NEURL1: variants seen among roughly 807,000 people sequenced by gnomAD.
NEURL1 encodes the protein neuralized E3 ubiquitin protein ligase 1, also known as E3 ubiquitin-protein ligase NEURL1.
Under a neutral mutation model 41.2 loss-of-function variants are expected in NEURL1, and 26 were observed. That is an observed-to-expected ratio of 0.63 (90% CI 0.46 to 0.87). The LOEUF (loss-of-function observed/expected upper bound fraction) is 0.87, where lower values mean the gene tolerates loss of function less well. Among genes scored for constraint, NEURL1 ranks in the 40% least tolerant of loss-of-function variants. The probability of loss-of-function intolerance (pLI) is 0.00; values close to 1 mark genes in which losing one functional copy is unlikely to be tolerated. For missense variants in NEURL1, 761 were observed against 871.1 expected, an observed-to-expected ratio of 0.87 and a Z score of 1.59; for synonymous variants, 400 against 402.3, an observed-to-expected ratio of 0.99 and a Z score of 0.07.
At chr10:103,528,486 G>T (rs1258586319) in intron 1 of NEURL1, among the ~76,000 whole-genome samples, 5 of 151,514 alleles carry the variant, frequency 3.3e-5, no homozygotes, top group African/African-American at 1.2e-4. Flanking sequence ...AGTGAGCTGA[G>T]GTAGTGCCAC....
intron 1 of NEURL1, chr10:103,555,477 G>A: frequency 7.8e-7 from 1 of 1,288,944 alleles, no homozygotes; most frequent in Non-Finnish European, 1.0e-6. Flanking sequence ...GGGAGGCCGG[G>A]CGGAGGGGCG....
chr10:103,575,109 A>G (rs1000273530), intron 3 of NEURL1, among the ~76,000 whole-genome samples: 11 of 151,212 alleles, frequency 7.3e-5, no homozygotes, highest in Admixed American at 2.0e-4. Flanking sequence ...ACTCCCCTCT[A>G]CCCCAGGTAG....
At position 103,508,839 on chromosome 10, in the gene NEURL1, A is replaced by AG. The variant is rs2034004721; in HGVS notation, c.85+14368dup. 6.6e-6 allele frequency among the ~76,000 whole-genome samples: 1 copy of AG among 152,208 alleles called. No homozygotes were observed. Among genetic ancestry groups the AG allele is most frequent in the Middle Eastern group, 3.2e-3 (1 of 314 alleles). On this transcript the variant is annotated intron_variant, in intron 1 of 5. Coordinates refer to ENST00000369780, the MANE Select transcript of NEURL1 (RefSeq NM_004210.5). This position sits in a 1 kb window ranked among gnomAD's most constrained non-coding sequence, Gnocchi z 4.3. ...TGCCTCCTTCACAGCAAAATGTGAA[A>AG]GAAGCTGTTTTAGGGATCTTGGGTT...
At chr10:103,513,784 G>A (rs554672570) in intron 1 of NEURL1, among the ~76,000 whole-genome samples, 1 of 152,076 alleles carries the variant, frequency 6.6e-6, no homozygotes, top group Non-Finnish European at 1.5e-5. Flanking sequence ...GGGAGGACAG[G>A]GGTGCGGATG....
At chr10:103,538,942 CG>C (rs1237196840) in intron 1 of NEURL1, among the ~76,000 whole-genome samples, 1 of 130,004 alleles carries the variant, frequency 7.7e-6, no homozygotes. Flanking sequence ...CCACCGCACC[CG>C]TTTTTTTTTT....
chr10:103,506,093 G>C lies in NEURL1; in HGVS notation c.85+11621G>C, dbSNP rs1005549229. ...AGAATGCCATCCTGGCTGCTCCAGCGGTTGGGGTAAGGACGGAAAAGGGAG... is the reference window on the plus strand; with the variant it reads ...AGAATGCCATCCTGGCTGCTCCAGCCGTTGGGGTAAGGACGGAAAAGGGAG... On this transcript the variant is annotated intron_variant, in intron 1 of 5. Transcript: ENST00000369780. Among the ~76,000 whole-genome samples, 8 of 152,344 alleles carry C rather than the reference G, an allele frequency of 5.3e-5. No homozygotes were observed. The East Asian group carries it at 1.2e-3, about 22-fold the overall frequency.
intron 1 of NEURL1, among the ~76,000 whole-genome samples, chr10:103,509,154 C>A (rs970847194): frequency 6.6e-5 from 10 of 151,576 alleles, no homozygotes; most frequent in Non-Finnish European, 1.3e-4. Context: ...ATCACTTGAA[C>A]CCAGGAGGCA....
At chr10:103,536,074 A>C (rs184592503) in intron 1 of NEURL1, among the ~76,000 whole-genome samples, 1 of 152,218 alleles carries the variant, frequency 6.6e-6, no homozygotes, top group East Asian at 1.9e-4. Context: ...TAGGTGGCCA[A>C]GGTGTTGATG....
rs551732806 is a variant in NEURL1, at chr10:103,509,299, C to T, written c.85+14827C>T. ...TGTGTGTGGCTTAACAATGGGGACA[C>T]ATTCTGAGAATTGTGTTGTTAGGCG... is the stretch of plus-strand genomic sequence containing the variant. On this transcript the variant is annotated intron_variant, in intron 1 of 5. Coordinates refer to ENST00000369780, the MANE Select transcript of NEURL1 (RefSeq NM_004210.5). Among the ~76,000 whole-genome samples the T allele has an allele frequency of 2.0e-5, 3 of 151,558 alleles. No homozygotes were observed. The East Asian group carries it at 5.8e-4, about 29-fold the overall frequency.
At chr10:103,586,190 G>T (rs1311451450) in intron 4 of NEURL1, among the ~76,000 whole-genome samples, 1 of 152,172 alleles carries the variant, frequency 6.6e-6, no homozygotes, top group Admixed American at 6.5e-5. Context: ...CTTTGATTAA[G>T]GAGACGGTGA....
intron 1 of NEURL1, among the ~76,000 whole-genome samples, chr10:103,557,793 G>A (rs2035188828): frequency 6.6e-6 from 1 of 152,250 alleles, no homozygotes; most frequent in Non-Finnish European, 1.5e-5. Flanking sequence ...GGAGACGCAG[G>A]GGTTTGCTCC....
chr10:103,551,801 C>T (rs925586965), intron 1 of NEURL1, among the ~76,000 whole-genome samples: 7 of 152,176 alleles, frequency 4.6e-5, no homozygotes, highest in East Asian at 1.9e-4. Context: ...CAGGCTCATA[C>T]GTCTGTGGGA....
rs1038739002 is a variant in NEURL1, at chr10:103,547,465, A to G, written c.86-23407A>G. On this transcript the variant is annotated intron_variant, in intron 1 of 5. Coordinates refer to ENST00000369780, the MANE Select transcript of NEURL1 (RefSeq NM_004210.5). ...TAGCAGGCAGGGGCAGGGCCAGGGC[A>G]TGGGAGCAGAAGTGGAGGCCAAGTC... Among the ~76,000 whole-genome samples the G allele has an allele frequency of 5.9e-5, 9 of 152,208 alleles. No homozygotes were observed. The East Asian group carries it at 7.7e-4, about 13-fold the overall frequency.
At chr10:103,495,520 A>G (rs765668849) in intron 1 of NEURL1, among the ~76,000 whole-genome samples, 12 of 152,140 alleles carry the variant, frequency 7.9e-5, no homozygotes, top group African/African-American at 1.2e-4. Flanking sequence ...CACTATACCC[A>G]TTTTACAGAT....
chr10:103,585,839 A>C (rs537612967), intron 4 of NEURL1, among the ~76,000 whole-genome samples: 31 of 152,150 alleles, frequency 2.0e-4, no homozygotes, highest in African/African-American at 7.2e-4. Context: ...TCTCAAAAAA[A>C]AAAAAAAAAA....
In NEURL1 at chr10:103,494,009, T is replaced by C. The variant is rs2033617466; in HGVS notation, c.-379T>C. 1 of 177,502 alleles carries C rather than the reference T, an allele frequency of 5.6e-6. No homozygotes were observed. The highest frequency in any genetic ancestry group is 6.4e-5 in the Admixed American group (1 of 15,696). 11.0% of individuals were successfully genotyped at this position (177,502 alleles called of 1,614,324 possible). A position where few individuals can be genotyped will look rare whatever the true frequency, so the allele number is the denominator to read the frequency against. On this transcript the variant is annotated 5_prime_UTR_variant, in exon 1 of 6. It removes an upstream start codon present in the reference 5' UTR. Transcript: ENST00000369780. The stretch of plus-strand genomic sequence containing the variant: ...GCCCACGCCAGCGACCCTGACTCTA[T>C]GGCCCCGGGGGAGCGCGCCGGAGCC...
intron 3 of NEURL1, among the ~76,000 whole-genome samples, chr10:103,575,156 T>A (rs1444871213): frequency 6.6e-6 from 1 of 151,932 alleles, no homozygotes; most frequent in Non-Finnish European, 1.5e-5. Context: ...TTCTCTTTCC[T>A]CTCCGCCCCA....
intron 1 of NEURL1, among the ~76,000 whole-genome samples, chr10:103,531,050 T>C (rs2034559890): frequency 6.6e-6 from 1 of 151,970 alleles, no homozygotes; most frequent in Non-Finnish European, 1.5e-5. Context: ...TGACACCCTG[T>C]CTCTACTAAA....
At chr10:103,555,474 C>CG in intron 1 of NEURL1, 1 of 1,298,804 alleles carries the variant, frequency 7.7e-7, no homozygotes, top group Non-Finnish European at 1.0e-6. Context: ...CTGGGGAGGC[C>CG]GGGCGGAGGG....
Sources: gnomAD v4.1 joint callset for allele counts (sites outside exome capture counted in the v4.1 genomes callset) on GRCh38, gnomAD v4.1.1 for gene constraint, Gnocchi (gnomAD v3.1) non-coding constraint, MANE v1.5 for transcripts, NCBI Gene and HGNC (gene_info 2026-07-23, HGNC 2026-07-21) for gene names.